JAK1: variants seen among roughly 807,000 people sequenced by gnomAD.
JAK1 encodes Janus kinase 1.
In JAK1, 16 loss-of-function variants were observed where a neutral mutation model predicts 136.6. The observed-to-expected ratio is 0.12, with a 90% CI of 0.08 to 0.18. The LOEUF is 0.18. JAK1 is among the 10% of genes least tolerant of loss of function. The pLI is 1.00. For synonymous variants in JAK1, 492 were observed against 519.5 expected, an observed-to-expected ratio of 0.95 and a Z score of 0.72; for missense variants, 859 against 1,450.1, an observed-to-expected ratio of 0.59 and a Z score of 6.62.
chr1:64,835,785 A>C (rs1451986392), intron 23 of JAK1, among the ~76,000 whole-genome samples: 2 of 152,182 alleles, frequency 1.3e-5, no homozygotes, highest in African/African-American at 4.8e-5. Flanking sequence ...AAGGAGGCAC[A>C]GACAAGGCTG....
At chr1:64,836,268 C>G (rs1344565582) in intron 22 of JAK1, 53 bp from the exon 23 acceptor site, 22 of 991,720 alleles carry the variant, frequency 2.2e-5, no homozygotes, top group Non-Finnish European at 3.4e-5. Context: ...ACACTCCATC[C>G]GACATTACAG....
upstream of JAK1, among the ~76,000 whole-genome samples, chr1:64,970,757 G>A (rs1646444417): frequency 7.4e-6 from 1 of 135,680 alleles, no homozygotes; most frequent in Non-Finnish European, 1.5e-5. Context: ...GAGAGACTCT[G>A]TCTCAAAAAA....
chr1:64,880,056 G>T (rs1320757130), intron 3 of JAK1, among the ~76,000 whole-genome samples: 1 of 152,172 alleles, frequency 6.6e-6, no homozygotes, highest in African/African-American at 2.4e-5. Flanking sequence ...AGAATATGAG[G>T]TAATAGGCAC....
chr1:64,993,670 A>C (rs1313724498), intron 2 of JAK1: 1 of 151,404 alleles, frequency 6.6e-6, no homozygotes. Flanking sequence ...ATTTTGAGAG[A>C]AGTCTGGCTC....
intron 2 of JAK1, among the ~76,000 whole-genome samples, chr1:65,033,335 T>A (rs1348872870): frequency 1.3e-5 from 2 of 152,098 alleles, no homozygotes; most frequent in Admixed American, 6.5e-5. Flanking sequence ...AAATTTTTTT[T>A]AAACAATAAA....
chr1:64,970,036 G>A (rs1325810402), upstream of JAK1, among the ~76,000 whole-genome samples: 5 of 148,740 alleles, frequency 3.4e-5, no homozygotes, highest in African/African-American at 1.2e-4. Flanking sequence ...CTCAGGAGTC[G>A]AGGTGGAAGG....
intron 2 of JAK1, among the ~76,000 whole-genome samples, chr1:65,001,678 TGG>T (rs112850726): frequency 0.31 from 30,421 of 96,744 alleles, 4,467 homozygotes; most frequent in African/African-American, 0.47. Context: ...AGTGTGTGTG[TGG>T]GGGGGGGGGT....
chr1:64,997,254 G>A (rs1051226693), intron 2 of JAK1, among the ~76,000 whole-genome samples: 1 of 152,130 alleles, frequency 6.6e-6, no homozygotes, highest in Non-Finnish European at 1.5e-5. Context: ...ACGGCACAAT[G>A]GGTAAAAACT....
rs535390813 is a variant in JAK1, at chr1:64,996,853, A to G, written c.-78+47627T>C. ...AAATCTAACAAAGCTGCAAACCCCA[A>G]AGGGGCTGCACTTCCAGTGCAATGA... On this transcript the variant is annotated intron_variant, in intron 2 of 25. Transcript: ENST00000671954. Among the ~76,000 whole-genome samples the G allele has an allele frequency of 5.9e-5, 9 of 152,342 alleles. No individual in the cohort carries two copies. In the East Asian group the frequency reaches 1.7e-3, roughly 29 times the overall value.
At chr1:65,022,025 G>C (rs1646942435) in intron 2 of JAK1, among the ~76,000 whole-genome samples, 1 of 152,196 alleles carries the variant, frequency 6.6e-6, no homozygotes, top group Non-Finnish European at 1.5e-5. Flanking sequence ...TGACTCAAGG[G>C]AGGGAGGAAT....
At chr1:65,051,384 TCC>T (rs1647279780) in intron 1 of JAK1, among the ~76,000 whole-genome samples, 1 of 152,176 alleles carries the variant, frequency 6.6e-6, no homozygotes, top group African/African-American at 2.4e-5. Context: ...TTTCTGCCAT[TCC>T]AGAGGATCTA....
chr1:64,980,510 C>A (rs990025313), intron 2 of JAK1, among the ~76,000 whole-genome samples: 3 of 151,970 alleles, frequency 2.0e-5, no homozygotes, highest in Non-Finnish European at 4.4e-5. Flanking sequence ...GTATGCACAG[C>A]AAGTTGACCC....
chr1:65,004,293 G>A (rs1419605975), intron 2 of JAK1, among the ~76,000 whole-genome samples: 1 of 152,170 alleles, frequency 6.6e-6, no homozygotes, highest in Non-Finnish European at 1.5e-5. Flanking sequence ...GGAAGAGGAG[G>A]AGGAGGAAAA....
At chr1:64,934,852 G>C (rs758920347) in intron 1 of JAK1, among the ~76,000 whole-genome samples, 5 of 152,182 alleles carry the variant, frequency 3.3e-5, no homozygotes, top group Admixed American at 2.0e-4. Context: ...TTACTCATTT[G>C]TATTTCTCAC....
At chr1:65,013,440 A>G (rs1646867028) in intron 2 of JAK1, among the ~76,000 whole-genome samples, 1 of 152,032 alleles carries the variant, frequency 6.6e-6, no homozygotes, top group Non-Finnish European at 1.5e-5. Flanking sequence ...AAAAAAAGAA[A>G]ATCCATCAAT....
chr1:65,060,134 G>C (rs1196703756), intron 1 of JAK1, among the ~76,000 whole-genome samples: 1 of 142,330 alleles, frequency 7.0e-6, no homozygotes, highest in Non-Finnish European at 1.6e-5. Context: ...GAAGATTAAA[G>C]AAAAAAAAAA....
intron 2 of JAK1, among the ~76,000 whole-genome samples, chr1:65,026,000 T>C (rs1646974905): frequency 1.3e-5 from 2 of 152,100 alleles, no homozygotes; most frequent in Non-Finnish European, 2.9e-5. Context: ...TTCTAAGCCA[T>C]AAAACAGGGA....
intron 1 of JAK1, among the ~76,000 whole-genome samples, chr1:64,915,459 C>T (rs981842942): frequency 6.6e-6 from 1 of 152,150 alleles, no homozygotes; most frequent in African/African-American, 2.4e-5. Context: ...TGGAAGGAAG[C>T]ACCAGTAACT....
At chr1:64,923,933 C>T (rs957212655) in intron 1 of JAK1, among the ~76,000 whole-genome samples, 10 of 151,840 alleles carry the variant, frequency 6.6e-5, no homozygotes, top group African/African-American at 1.9e-4. Flanking sequence ...ACAATTTCAA[C>T]ATAATATAAT....
Sources: gnomAD v4.1 joint callset for allele counts (sites outside exome capture counted in the v4.1 genomes callset) on GRCh38, gnomAD v4.1.1 for gene constraint, MANE v1.5 for transcripts, NCBI Gene and HGNC (gene_info 2026-07-23, HGNC 2026-07-21) for gene names.